PDE7B: variants seen among roughly 807,000 people sequenced by gnomAD.
PDE7B encodes 3',5'-cyclic-AMP phosphodiesterase 7B.
Under a neutral mutation model 56.2 loss-of-function variants are expected in PDE7B, and 29 were observed. The observed-to-expected ratio is 0.52, with a 90% CI of 0.38 to 0.70. PDE7B has a LOEUF of 0.70. Among genes scored for constraint, PDE7B ranks in the 30% least tolerant of loss-of-function variants. The probability of loss-of-function intolerance (pLI) is 0.00; values close to 1 mark genes in which losing one functional copy is unlikely to be tolerated. For missense variants in PDE7B, 490 were observed against 565.0 expected (o/e 0.87, Z 1.35); for synonymous variants, 197 against 196.9 (o/e 1.00, Z 0.00).
chr6:135,941,790 C>A (rs1017030150), intron 1 of PDE7B, among the ~76,000 whole-genome samples: 1 of 152,192 alleles, frequency 6.6e-6, no homozygotes, highest in Non-Finnish European at 1.5e-5. Context: ...CTCAGGCAAA[C>A]CTCCAAGCAT....
At chr6:136,074,860 GC>G (rs1273580549) in intron 2 of PDE7B, among the ~76,000 whole-genome samples, 1 of 152,080 alleles carries the variant, frequency 6.6e-6, no homozygotes, top group Non-Finnish European at 1.5e-5. Flanking sequence ...CCGTATCTTG[GC>G]TGTTGTGAAT....
intron 2 of PDE7B, among the ~76,000 whole-genome samples, chr6:135,978,528 T>A (rs893656134): frequency 6.6e-6 from 1 of 152,172 alleles, no homozygotes; most frequent in African/African-American, 2.4e-5. Flanking sequence ...ATAATTTTTT[T>A]ACTTTATGAA....
intron 2 of PDE7B, among the ~76,000 whole-genome samples, chr6:135,981,752 T>C (rs1242764754): frequency 2.0e-5 from 3 of 151,424 alleles, no homozygotes; most frequent in Non-Finnish European, 4.4e-5. Flanking sequence ...CCTGAGGATG[T>C]TTTACAATTA....
rs182166606 is a variant in PDE7B, at chr6:135,868,459, G to A, written c.21+16440G>A. ...TTTTTTTTTTTTGAGACGGAGTCTC[G>A]CTCTGTCACCCAGTCTGGCTGGGGT... On this transcript the variant is annotated intron_variant, in intron 1 of 12. Coordinates refer to ENST00000308191, the MANE Select transcript of PDE7B (RefSeq NM_018945.4). 2.9e-4 allele frequency among the ~76,000 whole-genome samples: 44 copies of A among 151,506 alleles called. 1 individual carries two copies. The highest frequency in any genetic ancestry group is 9.5e-4 in the African/African-American group (39 of 41,242).
At chr6:136,134,604 G>A (rs1015110349) in intron 3 of PDE7B, among the ~76,000 whole-genome samples, 1 of 151,350 alleles carries the variant, frequency 6.6e-6, no homozygotes, top group African/African-American at 2.4e-5. Context: ...ATTGCCCAGA[G>A]AAGCTTAAGA....
chr6:135,918,072 G>A (rs1057440067), intron 1 of PDE7B, among the ~76,000 whole-genome samples: 11 of 152,156 alleles, frequency 7.2e-5, no homozygotes, highest in African/African-American at 2.7e-4. Context: ...GAACCTTTAT[G>A]CAGATTTCTG....
At chr6:136,183,320 A>C (rs533346213) in intron 11 of PDE7B, among the ~76,000 whole-genome samples, 1 of 152,020 alleles carries the variant, frequency 6.6e-6, no homozygotes, top group Admixed American at 6.5e-5. Flanking sequence ...TAGGCTGGGC[A>C]TGGTGGCTCA....
intron 1 of PDE7B, among the ~76,000 whole-genome samples, chr6:135,902,046 A>C (rs886134352): frequency 6.6e-6 from 1 of 152,176 alleles, no homozygotes; most frequent in African/African-American, 2.4e-5. Context: ...CTTTTCAAAT[A>C]GAGAGGACAT....
At chr6:135,976,094 A>G (rs79929043) in intron 2 of PDE7B, among the ~76,000 whole-genome samples, 2 of 152,272 alleles carry the variant, frequency 1.3e-5, no homozygotes, top group African/African-American at 2.4e-5. Flanking sequence ...GAGTGGGACC[A>G]TGAAAACAGC....
intron 1 of PDE7B, among the ~76,000 whole-genome samples, chr6:135,897,690 A>C (rs1775927013): frequency 6.6e-6 from 1 of 152,240 alleles, no homozygotes; most frequent in Admixed American, 6.5e-5. Flanking sequence ...ATTTGAAATG[A>C]ACCACTTACT....
At chr6:135,978,486 TTTC>T (rs1775230951) in intron 2 of PDE7B, among the ~76,000 whole-genome samples, 1 of 152,118 alleles carries the variant, frequency 6.6e-6, no homozygotes, top group Non-Finnish European at 1.5e-5. Context: ...TAAGAAATTA[TTTC>T]TTCAAGAATA....
Position 136,192,304 on chromosome 6 carries a change from TGAGA to T in PDE7B, c.*467_*470del, listed in dbSNP as rs1190545231. 6.5e-6 allele frequency: 1 copy of T among 152,836 alleles called. No homozygotes were observed. Among genetic ancestry groups the T allele is most frequent in the Non-Finnish European group, 1.5e-5 (1 of 68,220 alleles). The allele number at this position is 152,836 out of a possible 1,614,324, so 9.5% of individuals were successfully genotyped here. Reference sequence around the variant, plus strand: ...AAGTGCAAGAGCACAAATGAGAGTGTGAGAGAAAGTACCTTCTATTTTAATAATA... The same window carrying T: ...AAGTGCAAGAGCACAAATGAGAGTGTGAAAGTACCTTCTATTTTAATAATA... On this transcript the variant is annotated 3_prime_UTR_variant, in exon 13 of 13. Transcript: ENST00000308191.
intron 1 of PDE7B, among the ~76,000 whole-genome samples, chr6:135,878,286 A>T (rs571473532): frequency 8.4e-4 from 128 of 151,670 alleles, no homozygotes; most frequent in Middle Eastern, 3.4e-3. Context: ...CTTTTTTTTT[A>T]AAATAGTGTG....
chr6:135,863,953 G>A (rs1234506307), intron 1 of PDE7B, among the ~76,000 whole-genome samples: 1 of 151,844 alleles, frequency 6.6e-6, no homozygotes, highest in Admixed American at 6.6e-5. Context: ...ATATATTTGG[G>A]TTCAAACATG....
rs1173621653 is a variant in PDE7B at position 136,032,990 on chromosome 6, CTTG to C, written c.83-75736_83-75734del. ...CTTAGAGAGTGACTTTAGAGATTTC[CTTG>C]TTGTAGCTGTTTTCTAAGAAGTTGA... On this transcript the variant is annotated intron_variant, in intron 2 of 12. Transcript: ENST00000308191. Among the ~76,000 whole-genome samples the C allele has an allele frequency of 3.3e-5, 5 of 152,222 alleles. No homozygotes were observed. The South Asian group carries it at 8.3e-4, about 25-fold the overall frequency.
intron 6 of PDE7B, among the ~76,000 whole-genome samples, chr6:136,152,793 G>A (rs1158205897): frequency 6.6e-6 from 1 of 152,150 alleles, no homozygotes; most frequent in African/African-American, 2.4e-5. Flanking sequence ...TAACAGGCGT[G>A]ACAATAATAA....
At chr6:135,908,783 G>A (rs941975846) in intron 1 of PDE7B, among the ~76,000 whole-genome samples, 54 of 152,146 alleles carry the variant, frequency 3.5e-4, no homozygotes, top group Non-Finnish European at 5.9e-5. Flanking sequence ...GCTGCTTGGG[G>A]AATACCTATG....
chr6:136,177,016 G>A (rs1322651856), intron 9 of PDE7B, among the ~76,000 whole-genome samples: 1 of 145,856 alleles, frequency 6.9e-6, no homozygotes, highest in Non-Finnish European at 1.5e-5. Context: ...TAAAGATGTA[G>A]TATGGCTTAA....
At chr6:136,031,703 C>T (rs796928995) in intron 2 of PDE7B, among the ~76,000 whole-genome samples, 32 of 141,328 alleles carry the variant, frequency 2.3e-4, no homozygotes, top group African/African-American at 8.3e-4. Flanking sequence ...CCCGCCACTG[C>T]ACTCCAGCCT....
Sources: gnomAD v4.1 joint callset for allele counts (sites outside exome capture counted in the v4.1 genomes callset) on GRCh38, gnomAD v4.1.1 for gene constraint, MANE v1.5 for transcripts, NCBI Gene and HGNC (gene_info 2026-07-23, HGNC 2026-07-21) for gene names.